SPDEF: variants seen among roughly 807,000 people sequenced by gnomAD.
SPDEF encodes the protein SAM pointed domain-containing Ets transcription factor.
Under a neutral mutation model 36.0 loss-of-function variants are expected in SPDEF, and 12 were observed. The observed-to-expected ratio is 0.33, with a 90% confidence interval of 0.21 to 0.54. SPDEF has a LOEUF of 0.54. Among genes scored for constraint, SPDEF ranks in the 20% least tolerant of loss-of-function variants. SPDEF has a pLI of 0.93. For synonymous variants in SPDEF, 205 were observed against 193.0 expected (o/e 1.06, Z -0.51); for missense variants, 388 against 456.9 (o/e 0.85, Z 1.37).
rs1014218794 is a variant in SPDEF, at chr6:34,544,750, G to A, written c.-29-266C>T. On this transcript the variant is annotated intron_variant, in intron 1 of 5. Transcript: ENST00000374037. The surrounding 1 kb of genome is among the most constrained non-coding windows in gnomAD (Gnocchi z 4.4). ...AGCCAGGCTGGCTGGGAGCAGCAAA[G>A]CTCCACACATGTACTGTGCTTAAAA... 1.3e-5 allele frequency among the ~76,000 whole-genome samples: 2 copies of A among 152,214 alleles called. No homozygotes were observed. The highest frequency in any genetic ancestry group is 4.8e-5 in the African/African-American group (2 of 41,452).
chr6:34,554,314 C>T (rs1768123401), intron 1 of SPDEF, among the ~76,000 whole-genome samples: 1 of 152,194 alleles, frequency 6.6e-6, no homozygotes, highest in Non-Finnish European at 1.5e-5. Context: ...TTTTGCACTT[C>T]CTGCCAGCAT....
rs945732981 is a variant in SPDEF at position 34,552,083 on chromosome 6, G to A, written c.-30+3846C>T. Among the ~76,000 whole-genome samples the A allele has an allele frequency of 3.9e-5, 6 of 151,936 alleles. No individual in the cohort carries two copies. Among genetic ancestry groups the A allele is most frequent in the African/African-American group, 1.2e-4 (5 of 41,342 alleles). The stretch of plus-strand genomic sequence containing the variant: ...ATACCCCCACCACCTGCACATCCCC[G>A]CTTTGCCATGATGCAGCCCGGGTCA... On this transcript the variant is annotated intron_variant, in intron 1 of 5. Transcript: ENST00000374037. The surrounding 1 kb of genome is among the most constrained non-coding windows in gnomAD (Gnocchi z 4.6).
rs139080368 is a variant in SPDEF at position 34,544,341 on chromosome 6, C to G, written c.115G>C (p.Glu39Gln). The G allele has an allele frequency of 2.5e-6, 4 of 1,606,936 alleles. No homozygotes were observed. Among genetic ancestry groups the G allele is most frequent in the South Asian group, 2.2e-5 (2 of 91,034 alleles). Residue 39 changes from glutamate (E) to glutamine (Q), a missense_variant, in exon 2 of 6, where the codon GAG becomes CAG. Transcript: ENST00000374037. The surrounding 1 kb of genome is among the most constrained non-coding windows in gnomAD (Gnocchi z 4.4). ...GGACTGGGACTCCAGTCCCGTCTCT[C>G]GAGACCCACTGCCCCCGCTGCCGCC... The part of the protein sequence containing the change: ...EKAAAGAVGL[E>Q]RRDWSPSPPA...
intron 1 of SPDEF, among the ~76,000 whole-genome samples, chr6:34,554,589 A>G (rs1582009017): frequency 6.6e-6 from 1 of 152,222 alleles, no homozygotes; most frequent in Non-Finnish European, 1.5e-5. Flanking sequence ...CCTCCTCCAC[A>G]CAGCCCCACC....
chr6:34,539,875 A>G lies in SPDEF; in HGVS notation c.635-313T>C, dbSNP rs1215826874. 6.6e-6 allele frequency among the ~76,000 whole-genome samples: 1 copy of G among 152,144 alleles called. No homozygotes were observed. The highest frequency in any genetic ancestry group is 2.4e-5 in the African/African-American group (1 of 41,418). On this transcript the variant is annotated intron_variant, in intron 3 of 5. Coordinates refer to ENST00000374037, the MANE Select transcript of SPDEF (RefSeq NM_012391.3). The surrounding 1 kb of genome is among the most constrained non-coding windows in gnomAD (Gnocchi z 5.2). ...CACTGGTCTCTGACAGGGTCCTATG[A>G]GTTGGTCCTGTTTCTTACTCCTTGA...
At chr6:34,542,647 G>T (rs1264662953) in intron 2 of SPDEF, among the ~76,000 whole-genome samples, 1 of 152,324 alleles carries the variant, frequency 6.6e-6, no homozygotes, top group South Asian at 2.1e-4. Context: ...CCAGCACTTT[G>T]GGAGGCCAAG....
At chr6:34,542,129 G>A (rs1211944897) in intron 2 of SPDEF, among the ~76,000 whole-genome samples, 1 of 152,236 alleles carries the variant, frequency 6.6e-6, no homozygotes, top group Non-Finnish European at 1.5e-5. Context: ...ATGGGCATTG[G>A]GAAACTTGGG....
chr6:34,544,716 C>T lies in SPDEF; in HGVS notation c.-29-232G>A, dbSNP rs1352605356. Among the ~76,000 whole-genome samples the T allele has an allele frequency of 6.6e-6, 1 of 152,158 alleles. No individual in the cohort carries two copies. Among genetic ancestry groups the T allele is most frequent in the African/African-American group, 2.4e-5 (1 of 41,436 alleles). ...ACTAGAAATAGATCGCTCCCTCAAT[C>T]CCCAAGGAAGCCAGGCTGGCTGGGA... On this transcript the variant is annotated intron_variant, in intron 1 of 5. Transcript: ENST00000374037. This position sits in a 1 kb window ranked among gnomAD's most constrained non-coding sequence, Gnocchi z 4.4.
chr6:34,554,060 A>G (rs1430204425), intron 1 of SPDEF, among the ~76,000 whole-genome samples: 2 of 152,180 alleles, frequency 1.3e-5, no homozygotes, highest in East Asian at 3.8e-4. Context: ...CTTGTTTCAC[A>G]GACAAGGTGT....
At chr6:34,549,548 C>G (rs1458051769) in intron 1 of SPDEF, among the ~76,000 whole-genome samples, 1 of 152,196 alleles carries the variant, frequency 6.6e-6, no homozygotes, top group Non-Finnish European at 1.5e-5. Flanking sequence ...TGACAGCTCC[C>G]GAACCACAGT....
chr6:34,540,938 G>A, intron 3 of SPDEF, 46 bp downstream of exon 3: 2 of 1,575,552 alleles, frequency 1.3e-6, no homozygotes, highest in Non-Finnish European at 1.7e-6. Flanking sequence ...TCCTGTCCCT[G>A]GCTTGGAGCC....
intron 1 of SPDEF, among the ~76,000 whole-genome samples, chr6:34,548,957 G>A (rs1425398782): frequency 6.6e-6 from 1 of 152,200 alleles, no homozygotes; most frequent in Admixed American, 6.5e-5. Flanking sequence ...ACACAGCACA[G>A]CCAGGGCCAG....
At position 34,544,023 on chromosome 6, in the gene SPDEF, C is replaced by T. The variant is rs756493367; in HGVS notation, c.433G>A (p.Ala145Thr). Residue 145 changes from alanine to threonine, a missense_variant, in exon 2 of 6, where the codon GCA (alanine) becomes ACA (threonine). Coordinates refer to ENST00000374037, the MANE Select transcript of SPDEF (RefSeq NM_012391.3). This position sits in a 1 kb window ranked among gnomAD's most constrained non-coding sequence, Gnocchi z 4.4. ...CAGGCACATGGAGAGGGCTCACCTG[C>T]GGTGATGTTGAGCAGCTTGCAGGCC... ...ETACKLLNIT[A>T]DPMDWSPSNV... 29 of 1,609,424 alleles carry T rather than the reference C, an allele frequency of 1.8e-5. No homozygotes were observed. The highest frequency in any genetic ancestry group is 1.4e-4 in the Admixed American group (8 of 58,366).
chr6:34,543,572 G>A (rs1767874341), intron 2 of SPDEF, among the ~76,000 whole-genome samples: 1 of 152,176 alleles, frequency 6.6e-6, no homozygotes, highest in African/African-American at 2.4e-5. Flanking sequence ...AGGGGTCAGG[G>A]AAGGCCTCAT....
chr6:34,548,408 C>T (rs1226183147), intron 1 of SPDEF, among the ~76,000 whole-genome samples: 1 of 152,144 alleles, frequency 6.6e-6, no homozygotes, highest in Non-Finnish European at 1.5e-5. Flanking sequence ...CTGTTCATAT[C>T]CCTGCAGCAC....
In SPDEF at chr6:34,555,631, C is replaced by T. The variant is rs935991272; in HGVS notation, c.-30+298G>A. Reference sequence around the variant, plus strand: ...CAGGGGCCGGGGCTCTGCATCTGCACGGCGGCCTCCCCTCAGGCTGGGCAG... The same window carrying T: ...CAGGGGCCGGGGCTCTGCATCTGCATGGCGGCCTCCCCTCAGGCTGGGCAG... On this transcript the variant is annotated intron_variant, in intron 1 of 5. Coordinates refer to ENST00000374037, the MANE Select transcript of SPDEF (RefSeq NM_012391.3). The surrounding 1 kb of genome is among the most constrained non-coding windows in gnomAD (Gnocchi z 5.2). Among the ~76,000 whole-genome samples the T allele has an allele frequency of 4.0e-5, 6 of 151,458 alleles. No homozygotes were observed. Among genetic ancestry groups the T allele is most frequent in the Non-Finnish European group, 7.4e-5 (5 of 67,804 alleles).
At chr6:34,548,433 C>G (rs565652518) in intron 1 of SPDEF, among the ~76,000 whole-genome samples, 1 of 152,176 alleles carries the variant, frequency 6.6e-6, no homozygotes, top group Non-Finnish European at 1.5e-5. Context: ...TCATCAGACA[C>G]CCCTGTGCTC....
At chr6:34,549,790 A>T (rs917568058) in intron 1 of SPDEF, among the ~76,000 whole-genome samples, 14 of 152,186 alleles carry the variant, frequency 9.2e-5, no homozygotes, top group Admixed American at 7.9e-4. Context: ...GCACTGAGGG[A>T]GTGACAGAGA....
chr6:34,543,544 G>A (rs1368074878), intron 2 of SPDEF, among the ~76,000 whole-genome samples: 1 of 152,122 alleles, frequency 6.6e-6, no homozygotes, highest in African/African-American at 2.4e-5. Context: ...CTGTGCTCAT[G>A]GGCAGCAATT....
Sources: gnomAD v4.1 joint callset for allele counts (sites outside exome capture counted in the v4.1 genomes callset) on GRCh38, gnomAD v4.1.1 for gene constraint, Gnocchi (gnomAD v3.1) non-coding constraint, MANE v1.5 for transcripts, NCBI Gene and HGNC (gene_info 2026-07-23, HGNC 2026-07-21) for gene names.